ZNF487: variants seen among roughly 807,000 people sequenced by gnomAD.
ZNF487 encodes the protein KRAB domain only 1.
In ZNF487, 4 loss-of-function variants were observed where a neutral mutation model predicts 3.0. The observed-to-expected ratio is 1.35, with a 90% confidence interval of 0.66 to 3.08. The LOEUF is 3.08. Among genes scored for constraint, ZNF487 ranks in the 30% most tolerant of loss-of-function variants. ZNF487 has a pLI of 0.01. For synonymous variants in ZNF487, 55 were observed against 34.6 expected (o/e 1.59, Z -2.06); for missense variants, 146 against 98.7 (o/e 1.48, Z -2.03).
At chr10:43,445,774 A>G (rs193175917) in intron 1 of ZNF487, among the ~76,000 whole-genome samples, 20 of 152,270 alleles carry the variant, frequency 1.3e-4, no homozygotes, top group African/African-American at 4.3e-4. Flanking sequence ...GAAGTTCAGC[A>G]GATAAACATG....
the ZNF487 span, among the ~76,000 whole-genome samples, chr10:43,513,207 G>T: frequency 1.3e-5 from 2 of 152,230 alleles, no homozygotes; most frequent in African/African-American, 2.4e-5. Flanking sequence ...CAAAGCCAGA[G>T]AATTGATATA....
At chr10:43,457,047 C>T (rs987679149) in intron 1 of ZNF487, among the ~76,000 whole-genome samples, 3 of 152,188 alleles carry the variant, frequency 2.0e-5, no homozygotes, top group Non-Finnish European at 4.4e-5. Flanking sequence ...GAAACAGTTT[C>T]CTGGATTACC....
chr10:43,460,732 G>A (rs1840402173), intron 1 of ZNF487, among the ~76,000 whole-genome samples: 1 of 149,120 alleles, frequency 6.7e-6, no homozygotes. Flanking sequence ...TCACTCTAAT[G>A]CCTAGTCTGG....
At chr10:43,478,909 T>C (rs1170946700) in intron 3 of ZNF487, among the ~76,000 whole-genome samples, 1 of 150,970 alleles carries the variant, frequency 6.6e-6, no homozygotes, top group Non-Finnish European at 1.5e-5. Flanking sequence ...TTTTCTTTTT[T>C]CTTTTTTTTT....
chr10:43,484,855 A>G (rs900506773), downstream of ZNF487, among the ~76,000 whole-genome samples: 7 of 152,224 alleles, frequency 4.6e-5, no homozygotes, highest in East Asian at 9.6e-4. Context: ...CACTTTCTAT[A>G]TTAGGATCCT....
chr10:43,505,445 C>T, the ZNF487 span, among the ~76,000 whole-genome samples: 266 of 150,906 alleles, frequency 1.8e-3, 1 homozygote, highest in Middle Eastern at 6.9e-3. Flanking sequence ...CCACCATGCC[C>T]GGCTAATTTT....
intron 1 of ZNF487, among the ~76,000 whole-genome samples, chr10:43,449,714 C>CT (rs1308928318): frequency 6.7e-6 from 1 of 149,534 alleles, no homozygotes; most frequent in African/African-American, 2.5e-5. Context: ...GAGTCTCACT[C>CT]TGTCGCCCAG....
the ZNF487 span, among the ~76,000 whole-genome samples, chr10:43,518,467 G>C: frequency 1.5e-4 from 23 of 152,176 alleles, no homozygotes; most frequent in African/African-American, 5.1e-4. Flanking sequence ...GGCCATAAAG[G>C]GGGACACCTC....
chr10:43,438,342 C>T (rs1213534508), intron 1 of ZNF487, among the ~76,000 whole-genome samples: 1 of 152,158 alleles, frequency 6.6e-6, no homozygotes, highest in Non-Finnish European at 1.5e-5. Flanking sequence ...CGTGCCACCA[C>T]ACCCGGCTAA....
At chr10:43,462,218 C>G (rs1355046562) in intron 1 of ZNF487, among the ~76,000 whole-genome samples, 3 of 149,456 alleles carry the variant, frequency 2.0e-5, no homozygotes, top group African/African-American at 4.9e-5. Flanking sequence ...TGGCACGACC[C>G]CAGATTACTG....
rs567243780 is a variant in ZNF487, at chr10:43,460,055, GCCT to G, written c.-93-15663_-93-15661del. On this transcript the variant is annotated intron_variant, in intron 1 of 3. Coordinates refer to ENST00000437590, the MANE Select transcript of ZNF487 (RefSeq NM_001355444.3). ...CTGACCTCATGATCTGCCCGCCTTG[GCCT>G]CCCAAAGTACTGGGATTATAGGCAT... 9.7e-3 allele frequency among the ~76,000 whole-genome samples: 1,478 copies of G among 151,918 alleles called. 9 individuals carry two copies. The highest frequency in any genetic ancestry group is 0.015 in the Non-Finnish European group (1,047 of 67,968).
At chr10:43,447,533 C>T (rs1045439037) in intron 1 of ZNF487, among the ~76,000 whole-genome samples, 20 of 152,120 alleles carry the variant, frequency 1.3e-4, no homozygotes, top group South Asian at 8.3e-4. Flanking sequence ...TGAGCCACCA[C>T]GCACAGCCTG....
chr10:43,475,936 T>G, intron 2 of ZNF487, 89 bp downstream of exon 2: 2 of 658,638 alleles, frequency 3.0e-6, no homozygotes, highest in African/African-American at 3.6e-5. Context: ...GAATATGAGT[T>G]AAAGGCTTGA....
chr10:43,506,324 G>A, the ZNF487 span, among the ~76,000 whole-genome samples: 1 of 151,934 alleles, frequency 6.6e-6, no homozygotes, highest in African/African-American at 2.4e-5. Context: ...GACCAGCTTG[G>A]GTAACATAGT....
chr10:43,458,470 G>A (rs1840302344), intron 1 of ZNF487, among the ~76,000 whole-genome samples: 1 of 152,210 alleles, frequency 6.6e-6, no homozygotes, highest in South Asian at 2.1e-4. Context: ...TTAGTGAGCA[G>A]AGGGGTAACT....
At chr10:43,501,180 GA>G in the ZNF487 span, among the ~76,000 whole-genome samples, 28 of 152,172 alleles carry the variant, frequency 1.8e-4, no homozygotes, top group South Asian at 5.8e-3. Flanking sequence ...TGTAAACATA[GA>G]AAAGGTACAG....
At chr10:43,438,887 C>T (rs1324344072) in intron 1 of ZNF487, among the ~76,000 whole-genome samples, 1 of 151,876 alleles carries the variant, frequency 6.6e-6, no homozygotes, top group African/African-American at 2.4e-5. Context: ...TCCAGACCAG[C>T]CTGAGCAACA....
the ZNF487 span, among the ~76,000 whole-genome samples, chr10:43,517,991 T>C: frequency 6.6e-6 from 1 of 152,192 alleles, no homozygotes; most frequent in South Asian, 2.1e-4. Flanking sequence ...AGTGGCCACT[T>C]TCAGGCAGTC....
the ZNF487 span, among the ~76,000 whole-genome samples, chr10:43,494,765 C>CAAAAAAAAAAAAAAAAAAA: frequency 2.8e-5 from 1 of 35,790 alleles, no homozygotes; most frequent in African/African-American, 9.3e-5. Context: ...ACTAAAAATA[C>CAAAAAAAAAAAAAAAAAAA]AAAAAAAAAA....
Sources: gnomAD v4.1 joint callset for allele counts (sites outside exome capture counted in the v4.1 genomes callset) on GRCh38, gnomAD v4.1.1 for gene constraint, MANE v1.5 for transcripts, NCBI Gene and HGNC (gene_info 2026-07-23, HGNC 2026-07-21) for gene names.